The following PIWIL2 variants were observed in gnomAD, a reference collection of about 807,000 sequenced individuals.
PIWIL2 encodes the protein piwi-like protein 2.
A neutral mutation model predicts 116.5 loss-of-function variants in PIWIL2; 81 were observed. That is an observed-to-expected ratio of 0.70 (90% CI 0.58 to 0.84). PIWIL2 has a LOEUF of 0.84. Among genes scored for constraint, PIWIL2 ranks in the 40% least tolerant of loss-of-function variants. PIWIL2 has a pLI of 0.00. For synonymous variants in PIWIL2, 489 were observed against 429.5 expected, an observed-to-expected ratio of 1.14 and a Z score of -1.71; for missense variants, 1,272 against 1,212.3, an observed-to-expected ratio of 1.05 and a Z score of -0.73.
At chr8:22,306,905 T>C (rs1372240177) in intron 13 of PIWIL2, among the ~76,000 whole-genome samples, 2 of 152,124 alleles carry the variant, frequency 1.3e-5, no homozygotes, top group Non-Finnish European at 2.9e-5. Flanking sequence ...ATAACAGCTG[T>C]GCAATTCATT....
chr8:22,329,797 G>A (rs1831816218), intron 20 of PIWIL2, among the ~76,000 whole-genome samples: 1 of 152,206 alleles, frequency 6.6e-6, no homozygotes, highest in Admixed American at 6.5e-5. Flanking sequence ...CTGATAGGGT[G>A]TGAGCATGTG....
chr8:22,342,762 C>T (rs1832139811), intron 20 of PIWIL2, among the ~76,000 whole-genome samples: 1 of 151,978 alleles, frequency 6.6e-6, no homozygotes, highest in South Asian at 2.1e-4. Flanking sequence ...ATAAATTTTT[C>T]ATCGAAAATT....
In PIWIL2 at chr8:22,287,599, C is replaced by G. The variant is rs1341854802; in HGVS notation, c.815C>G (p.Thr272Ser). The change falls in exon 7 of 23, where the codon ACT becomes AGT. Residue 272 changes from threonine to serine, a missense_variant. Transcript: ENST00000356766. ...KDHQAVTGNV[T>S]AFDGSILYLP... Reference sequence around the variant, plus strand: ...CATCAAGCTGTCACCGGCAACGTCACTGCGTTTGATGGATCTATTCTCTAT... The same window carrying G: ...CATCAAGCTGTCACCGGCAACGTCAGTGCGTTTGATGGATCTATTCTCTAT... 4 of 1,613,658 alleles carry G rather than the reference C, an allele frequency of 2.5e-6. No homozygotes were observed. In the East Asian group the frequency reaches 6.7e-5, roughly 27 times the overall value.
chr8:22,340,140 C>T (rs1035376419), intron 20 of PIWIL2, among the ~76,000 whole-genome samples: 3 of 150,262 alleles, frequency 2.0e-5, no homozygotes, highest in African/African-American at 7.3e-5. Flanking sequence ...GCAACCTCCG[C>T]CTCCCGGGAT....
At chr8:22,333,482 C>T (rs942147589) in intron 20 of PIWIL2, among the ~76,000 whole-genome samples, 34 of 152,030 alleles carry the variant, frequency 2.2e-4, no homozygotes, top group African/African-American at 8.0e-4. Flanking sequence ...CATGGTGGCA[C>T]ATGCCTGTAA....
intron 20 of PIWIL2, among the ~76,000 whole-genome samples, chr8:22,324,855 A>G (rs1473742810): frequency 6.6e-6 from 1 of 152,230 alleles, no homozygotes; most frequent in Non-Finnish European, 1.5e-5. Context: ...GACACGGAGA[A>G]CACCTATCTG....
At chr8:22,287,224 G>T (rs968808560) in intron 6 of PIWIL2, among the ~76,000 whole-genome samples, 1 of 152,232 alleles carries the variant, frequency 6.6e-6, no homozygotes, top group African/African-American at 2.4e-5. Context: ...TCCAGCCTGG[G>T]CGGCAGAGCG....
chr8:22,338,726 C>T (rs200252285), intron 20 of PIWIL2, among the ~76,000 whole-genome samples: 4 of 145,978 alleles, frequency 2.7e-5, no homozygotes, highest in South Asian at 4.3e-4. Flanking sequence ...AAATAAATAA[C>T]AACATTTATG....
At chr8:22,337,622 T>C (rs1231663900) in intron 20 of PIWIL2, among the ~76,000 whole-genome samples, 4 of 151,162 alleles carry the variant, frequency 2.6e-5, no homozygotes, top group Non-Finnish European at 5.9e-5. Flanking sequence ...TCCGAGGTAC[T>C]TGGGAGATGA....
At chr8:22,284,351 T>C (rs1222775633) in intron 6 of PIWIL2, 79 bp downstream of exon 6, 3 of 697,180 alleles carry the variant, frequency 4.3e-6, no homozygotes, top group African/African-American at 3.6e-5. Context: ...AACTGAATAT[T>C]GTCCTGGACA....
At chr8:22,324,142 A>C (rs1831669555) in intron 20 of PIWIL2, among the ~76,000 whole-genome samples, 1 of 152,132 alleles carries the variant, frequency 6.6e-6, no homozygotes, top group Non-Finnish European at 1.5e-5. Flanking sequence ...GGCACCTGTA[A>C]TCTCAGCTAC....
chr8:22,321,648 C>G (rs916309249), intron 20 of PIWIL2, among the ~76,000 whole-genome samples: 13 of 152,232 alleles, frequency 8.5e-5, no homozygotes, highest in African/African-American at 3.1e-4. Context: ...CCTAGGAGTC[C>G]AGTGCTCCAG....
At chr8:22,304,995 C>T (rs1416051267) in intron 12 of PIWIL2, 127 bp downstream of exon 12, 1 of 671,362 alleles carries the variant, frequency 1.5e-6, no homozygotes, top group Non-Finnish European at 2.7e-6. Context: ...GAAAGCTGTG[C>T]AAGTGTTTGT....
At chr8:22,331,208 A>G (rs1236058550) in intron 20 of PIWIL2, among the ~76,000 whole-genome samples, 1 of 151,926 alleles carries the variant, frequency 6.6e-6, no homozygotes, top group African/African-American at 2.4e-5. Context: ...AAAAGTTCTG[A>G]CCTACAGAGG....
chr8:22,354,505 G>T, intron 22 of PIWIL2, 127 bp downstream of exon 22: 9 of 544,576 alleles, frequency 1.7e-5, no homozygotes, highest in Admixed American at 3.1e-5. Flanking sequence ...TGACAATTAT[G>T]GTGTCTTTTT....
chr8:22,313,743 A>AT (rs1281402016), intron 16 of PIWIL2, among the ~76,000 whole-genome samples: 1 of 152,118 alleles, frequency 6.6e-6, no homozygotes, highest in Non-Finnish European at 1.5e-5. Context: ...TCAATATTGG[A>AT]TTCCTTCAGC....
intron 10 of PIWIL2, among the ~76,000 whole-genome samples, chr8:22,293,762 A>G (rs1020864738): frequency 1.3e-5 from 2 of 152,206 alleles, no homozygotes; most frequent in African/African-American, 4.8e-5. Context: ...ATATGCTAAA[A>G]TACCTGGATT....
intron 10 of PIWIL2, among the ~76,000 whole-genome samples, chr8:22,291,336 A>C (rs1830762273): frequency 6.6e-6 from 1 of 151,862 alleles, no homozygotes; most frequent in South Asian, 2.1e-4. Context: ...ATTTTAGTAG[A>C]GATAGGGTTT....
intron 20 of PIWIL2, among the ~76,000 whole-genome samples, chr8:22,342,023 G>A (rs1832122687): frequency 6.7e-6 from 1 of 149,888 alleles, no homozygotes; most frequent in African/African-American, 2.4e-5. Flanking sequence ...TGTACCAGCA[G>A]TGAACAATCG....
Sources: gnomAD v4.1 joint callset for allele counts (sites outside exome capture counted in the v4.1 genomes callset) on GRCh38, gnomAD v4.1.1 for gene constraint, MANE v1.5 for transcripts, NCBI Gene and HGNC (gene_info 2026-07-23, HGNC 2026-07-21) for gene names.